Variants in OTC observed in about 807,000 individuals in gnomAD.
The protein encoded by OTC is ornithine transcarbamylase, mitochondrial.
OTC carries 3 observed loss-of-function variants against 30.3 expected under a neutral mutation model. The observed-to-expected ratio is 0.10, with a 90% CI of 0.05 to 0.26. The LOEUF is 0.26. Among genes scored for constraint, OTC ranks in the 10% least tolerant of loss-of-function variants. OTC has a pLI of 1.00. For missense variants in OTC, 194 were observed against 260.3 expected (o/e 0.75, Z 1.75); for synonymous variants, 111 against 99.7 (o/e 1.11, Z -0.67).
intron 4 of OTC, among the ~76,000 whole-genome samples, chrX:38,386,242 G>A (rs374791607): frequency 6.5e-5 from 7 of 107,970 alleles, no homozygotes; most frequent in African/African-American, 1.7e-4. Flanking sequence ...GCGTGGTGGC[G>A]TGTGCCTGTA....
the OTC span, among the ~76,000 whole-genome samples, chrX:38,342,363 A>T: frequency 9.0e-6 from 1 of 111,004 alleles, no homozygotes; most frequent in African/African-American, 3.3e-5. Flanking sequence ...TATGAAAGAA[A>T]GACGGACACC....
intron 4 of OTC, among the ~76,000 whole-genome samples, chrX:38,383,730 G>T (rs1287193892): frequency 9.1e-6 from 1 of 109,575 alleles, no homozygotes; most frequent in South Asian, 4.0e-4. Flanking sequence ...CTCGGGAGGC[G>T]GAGGTTGCAG....
At position 38,401,224 on chromosome X, in the gene OTC, G is replaced by T. The variant is rs758845954; in HGVS notation, c.387-51G>T. ...TATTTCTGATCTTATATTAAATAAG[G>T]CATTATTAAGCATAATTATCTTAGA... On this transcript the variant is annotated intron_variant, in intron 4 of 9. Transcript: ENST00000039007. 7.7e-6 allele frequency: 7 copies of T among 906,319 alleles called. No individual in the cohort carries two copies. The African/African-American group carries it at 1.4e-4, about 18-fold the overall frequency. 74.7% of individuals were successfully genotyped at this position (906,319 alleles called of 1,213,427 possible). A position where few individuals can be genotyped will look rare whatever the true frequency, so the allele number is the denominator to read the frequency against.
upstream of OTC, among the ~76,000 whole-genome samples, chrX:38,347,750 A>G: frequency 9.0e-6 from 1 of 111,599 alleles, no homozygotes; most frequent in Admixed American, 9.5e-5. Flanking sequence ...GCACCATAAT[A>G]ACTCATTTTA....
the OTC span, among the ~76,000 whole-genome samples, chrX:38,341,431 C>T: frequency 2.7e-5 from 3 of 111,972 alleles, no homozygotes; most frequent in South Asian, 1.1e-3. Context: ...AAATGTATCA[C>T]TGATGTCTCT....
At chrX:38,355,107 G>A (rs1316446323) in intron 1 of OTC, among the ~76,000 whole-genome samples, 1 of 112,064 alleles carries the variant, frequency 8.9e-6, no homozygotes, top group Non-Finnish European at 1.9e-5. Context: ...CCACAAAATA[G>A]GAATCGCAGT....
At chrX:38,365,360 C>A (rs769195516) in intron 1 of OTC, among the ~76,000 whole-genome samples, 1 of 112,847 alleles carries the variant, frequency 8.9e-6, no homozygotes, top group Admixed American at 9.4e-5. Flanking sequence ...CAATTATTGT[C>A]ATCACAATAT....
chrX:38,384,666 C>T (rs1295248777), intron 4 of OTC, among the ~76,000 whole-genome samples: 4 of 111,670 alleles, frequency 3.6e-5, no homozygotes, highest in Non-Finnish European at 7.5e-5. Flanking sequence ...TCAAAAGAAT[C>T]ATGCATGCCT....
chrX:38,367,528 TA>T (rs2068303133), intron 2 of OTC, 99 bp downstream of exon 2: 2 of 723,195 alleles, frequency 2.8e-6, no homozygotes, highest in Non-Finnish European at 4.3e-6. Context: ...TTAAAATTCT[TA>T]AACAGTAGCT....
At chrX:38,382,176 A>G (rs1216170067) in intron 4 of OTC, among the ~76,000 whole-genome samples, 2 of 111,734 alleles carry the variant, frequency 1.8e-5, no homozygotes, top group African/African-American at 6.5e-5. Flanking sequence ...AATTCCACTT[A>G]TATTTCATTA....
chrX:38,380,901 G>T (rs2068372733), intron 3 of OTC, among the ~76,000 whole-genome samples: 1 of 110,978 alleles, frequency 9.0e-6, no homozygotes, highest in African/African-American at 3.3e-5. Context: ...GCTAATTTTT[G>T]TATTTTTAGT....
At chrX:38,398,453 A>G (rs1053543991) in intron 4 of OTC, among the ~76,000 whole-genome samples, 11 of 112,145 alleles carry the variant, frequency 9.8e-5, no homozygotes, top group African/African-American at 2.9e-4. Context: ...ATAGAAGTCA[A>G]ATCTGCTTTT....
At chrX:38,404,342 G>A (rs1219484340) in intron 6 of OTC, among the ~76,000 whole-genome samples, 1 of 111,740 alleles carries the variant, frequency 8.9e-6, no homozygotes, top group Admixed American at 9.5e-5. Context: ...TAGGCCCAAT[G>A]TAAACCTTTT....
intron 5 of OTC, among the ~76,000 whole-genome samples, chrX:38,403,058 C>A (rs778918142): frequency 4.2e-4 from 47 of 111,517 alleles, no homozygotes; most frequent in Middle Eastern, 4.6e-3. Context: ...GTGATCCGCC[C>A]ACCTTGGTCT....
intron 1 of OTC, among the ~76,000 whole-genome samples, chrX:38,366,461 C>A (rs944161194): frequency 9.0e-6 from 1 of 111,295 alleles, no homozygotes; most frequent in African/African-American, 3.3e-5. Context: ...ATTTGAAGGG[C>A]AGTAGGGGGA....
chrX:38,334,341 C>G, the OTC span, among the ~76,000 whole-genome samples: 5 of 112,243 alleles, frequency 4.5e-5, no homozygotes, highest in Non-Finnish European at 9.4e-5. Flanking sequence ...TTCCTAGTAA[C>G]TACACTCTAC....
the OTC span, among the ~76,000 whole-genome samples, chrX:38,332,671 T>C: frequency 2.8e-5 from 3 of 107,982 alleles, no homozygotes; most frequent in Non-Finnish European, 5.7e-5. Flanking sequence ...GGCAGCTCAC[T>C]GTATTAGTCA....
chrX:38,375,772 C>T (rs1287436647), intron 3 of OTC, among the ~76,000 whole-genome samples: 1 of 111,065 alleles, frequency 9.0e-6, no homozygotes. Flanking sequence ...GAAATCTGGC[C>T]TAGAGATATT....
At chrX:38,381,720 G>A (rs2068377974) in intron 4 of OTC, among the ~76,000 whole-genome samples, 1 of 111,861 alleles carries the variant, frequency 8.9e-6, no homozygotes, top group South Asian at 3.7e-4. Flanking sequence ...AGTTGAGGAG[G>A]AAATGAAGGT....
Sources: allele counts gnomAD v4.1 joint callset (sites outside exome capture counted in the v4.1 genomes callset), GRCh38; gene constraint gnomAD v4.1.1; transcripts MANE v1.5; gene names NCBI Gene and HGNC (gene_info 2026-07-23, HGNC 2026-07-21).